RBMS3: variants seen among roughly 807,000 people sequenced by gnomAD.
The protein encoded by RBMS3 is RNA binding motif single stranded interacting protein 3, also known as RNA-binding motif, single-stranded-interacting protein 3.
Under a neutral mutation model 66.8 loss-of-function variants are expected in RBMS3, and 27 were observed. The observed-to-expected ratio is 0.40, with a 90% CI of 0.30 to 0.56. RBMS3 has a LOEUF of 0.56. RBMS3 is among the 20% of genes least tolerant of loss of function. The pLI is 0.40. For missense variants in RBMS3, 513 were observed against 549.5 expected (o/e 0.93, Z 0.66); for synonymous variants, 188 against 183.0 (o/e 1.03, Z -0.22).
intron 4 of RBMS3, among the ~76,000 whole-genome samples, chr3:29,662,027 A>G (rs1374161576): frequency 6.6e-6 from 1 of 152,202 alleles, no homozygotes; most frequent in African/African-American, 2.4e-5. Context: ...CCTATTTATC[A>G]TTTTATTATA....
At chr3:29,907,476 T>C (rs1393081175) in intron 10 of RBMS3, among the ~76,000 whole-genome samples, 1 of 152,020 alleles carries the variant, frequency 6.6e-6, no homozygotes, top group African/African-American at 2.4e-5. Flanking sequence ...AAAGTTTTTT[T>C]GAAACTATTG....
At chr3:29,822,727 A>G (rs746015131) in intron 6 of RBMS3, among the ~76,000 whole-genome samples, 5 of 152,154 alleles carry the variant, frequency 3.3e-5, no homozygotes, top group Non-Finnish European at 7.4e-5. Flanking sequence ...TTGATTTCCC[A>G]TTACTGATTT....
Position 29,489,927 on chromosome 3 carries a change from C to G in RBMS3, c.307+1428C>G, listed in dbSNP as rs545140421. Among the ~76,000 whole-genome samples, 13 of 150,636 alleles carry G rather than the reference C, an allele frequency of 8.6e-5. No homozygotes were observed. The South Asian group carries it at 2.7e-3, about 32-fold the overall frequency. On this transcript the variant is annotated intron_variant, in intron 3 of 14. Transcript: ENST00000383767. ...GCACGGTTGTAGGCACCTGTAATCC[C>G]AGCTACTTGGGAGGCTGTGGCAGGA...
intron 1 of RBMS3, among the ~76,000 whole-genome samples, chr3:29,360,891 A>G (rs1468526468): frequency 6.6e-6 from 1 of 151,428 alleles, no homozygotes; most frequent in Non-Finnish European, 1.5e-5. Flanking sequence ...TTTGGTTTCC[A>G]TTTGCTTAGT....
chr3:29,607,490 CT>C (rs1323283092), intron 4 of RBMS3, among the ~76,000 whole-genome samples: 10 of 151,830 alleles, frequency 6.6e-5, no homozygotes, highest in Non-Finnish European at 1.2e-4. Flanking sequence ...AGGGTTCTGC[CT>C]TTATGATCTA....
intron 1 of RBMS3, among the ~76,000 whole-genome samples, chr3:29,374,476 G>C (rs2038363970): frequency 1.3e-5 from 2 of 152,148 alleles, no homozygotes; most frequent in Admixed American, 6.5e-5. Flanking sequence ...AGTAGAAACT[G>C]TACTTTGGGT....
At chr3:29,714,392 G>A (rs1209332530) in intron 4 of RBMS3, among the ~76,000 whole-genome samples, 1 of 152,156 alleles carries the variant, frequency 6.6e-6, no homozygotes, top group African/African-American at 2.4e-5. Context: ...AAGACAGACC[G>A]GCTGGGAAAG....
intron 7 of RBMS3, among the ~76,000 whole-genome samples, chr3:29,882,665 A>G (rs897940123): frequency 6.6e-6 from 1 of 152,112 alleles, no homozygotes; most frequent in East Asian, 1.9e-4. Context: ...TGAAAGCAGC[A>G]GGCTATACTG....
intron 7 of RBMS3, among the ~76,000 whole-genome samples, chr3:29,883,584 A>C (rs965706889): frequency 1.3e-5 from 2 of 151,944 alleles, no homozygotes; most frequent in Non-Finnish European, 2.9e-5. Context: ...CTTATTAGCC[A>C]TGTGTTCTAG....
chr3:29,748,297 G>A (rs2055017098), intron 5 of RBMS3, among the ~76,000 whole-genome samples: 1 of 152,146 alleles, frequency 6.6e-6, no homozygotes, highest in African/African-American at 2.4e-5. Flanking sequence ...TTGAGTAAGG[G>A]AAAGAGGTGT....
At chr3:29,619,641 C>A (rs1195047012) in intron 4 of RBMS3, among the ~76,000 whole-genome samples, 1 of 152,158 alleles carries the variant, frequency 6.6e-6, no homozygotes, top group Non-Finnish European at 1.5e-5. Flanking sequence ...GGGTACAATG[C>A]TCTGATTAAC....
chr3:29,808,213 G>A (rs1004273490), intron 6 of RBMS3, among the ~76,000 whole-genome samples: 4 of 151,748 alleles, frequency 2.6e-5, no homozygotes, highest in Non-Finnish European at 2.9e-5. Context: ...GATAATATTC[G>A]TATTTCAATA....
At chr3:29,347,389 G>C (rs1225985123) in intron 1 of RBMS3, among the ~76,000 whole-genome samples, 1 of 152,098 alleles carries the variant, frequency 6.6e-6, no homozygotes, top group East Asian at 1.9e-4. Flanking sequence ...GTTGCATGCA[G>C]GATGCTGACT....
At chr3:29,971,164 G>T (rs181338426) in intron 12 of RBMS3, among the ~76,000 whole-genome samples, 55 of 151,986 alleles carry the variant, frequency 3.6e-4, no homozygotes, top group African/African-American at 1.2e-3. Context: ...TCCTCTCTTG[G>T]ACTCACTTGT....
intron 3 of RBMS3, among the ~76,000 whole-genome samples, chr3:29,543,483 T>C (rs575525458): frequency 6.5e-4 from 99 of 152,104 alleles, no homozygotes; most frequent in Non-Finnish European, 1.2e-3. Flanking sequence ...CTGAAGCTGG[T>C]GGATTGCTTG....
intron 3 of RBMS3, 148 bp from the exon 4 acceptor site, chr3:29,586,966 G>A: frequency 1.8e-6 from 1 of 560,794 alleles, no homozygotes. Flanking sequence ...AAAGCATTAA[G>A]GACCACTAAT....
chr3:29,781,980 T>TG (rs2056647437), intron 6 of RBMS3, among the ~76,000 whole-genome samples: 1 of 151,828 alleles, frequency 6.6e-6, no homozygotes, highest in Non-Finnish European at 1.5e-5. Flanking sequence ...CAGCTGCAGC[T>TG]AGTCTCACCC....
intron 6 of RBMS3, among the ~76,000 whole-genome samples, chr3:29,857,475 T>C (rs1161849642): frequency 1.3e-5 from 2 of 151,732 alleles, no homozygotes; most frequent in Non-Finnish European, 2.9e-5. Context: ...TGGAATTCTT[T>C]CTTGTTATTA....
At chr3:29,826,122 A>T (rs1249330613) in intron 6 of RBMS3, among the ~76,000 whole-genome samples, 1 of 152,182 alleles carries the variant, frequency 6.6e-6, no homozygotes, top group Non-Finnish European at 1.5e-5. Context: ...TACTGATGGC[A>T]TGTATATCAA....
Sources: gnomAD v4.1 joint callset for allele counts (sites outside exome capture counted in the v4.1 genomes callset) on GRCh38, gnomAD v4.1.1 for gene constraint, MANE v1.5 for transcripts, NCBI Gene and HGNC (gene_info 2026-07-23, HGNC 2026-07-21) for gene names.